The following MAST2 variants were observed in gnomAD, a reference collection of about 807,000 sequenced individuals.
MAST2 encodes the protein microtubule-associated serine/threonine-protein kinase 2.
MAST2 carries 70 observed loss-of-function variants against 147.4 expected under a neutral mutation model. The observed-to-expected ratio is 0.47, with a 90% confidence interval of 0.39 to 0.58. MAST2 has a LOEUF of 0.58. Ranked by LOEUF, MAST2 falls within the 20% of genes least tolerant of loss-of-function variation. MAST2 has a pLI of 0.00. For synonymous variants in MAST2, 869 were observed against 896.8 expected, an observed-to-expected ratio of 0.97 and a Z score of 0.55; for missense variants, 2,080 against 2,302.3, an observed-to-expected ratio of 0.90 and a Z score of 1.98.
intron 3 of MAST2, among the ~76,000 whole-genome samples, chr1:45,859,473 G>A (rs1645906282): frequency 6.6e-6 from 1 of 152,118 alleles, no homozygotes; most frequent in African/African-American, 2.4e-5. Flanking sequence ...TCCAGTAGGT[G>A]GGAACATGTG....
At chr1:45,939,027 T>C (rs1468540978) in intron 4 of MAST2, among the ~76,000 whole-genome samples, 1 of 152,096 alleles carries the variant, frequency 6.6e-6, no homozygotes, top group Non-Finnish European at 1.5e-5. Context: ...ATTTGGATGG[T>C]GTCGTTTGAA....
At chr1:46,003,990 C>G (rs1460134607) in intron 7 of MAST2, among the ~76,000 whole-genome samples, 1 of 152,170 alleles carries the variant, frequency 6.6e-6, no homozygotes, top group Non-Finnish European at 1.5e-5. Flanking sequence ...CTCTCCCAAC[C>G]TAGATACTAC....
chr1:45,874,544 T>C (rs1416769713), intron 3 of MAST2, among the ~76,000 whole-genome samples: 1 of 152,228 alleles, frequency 6.6e-6, no homozygotes, highest in African/African-American at 2.4e-5. Context: ...TTGATAGTTT[T>C]CATCAATGCA....
At chr1:46,027,957 T>C in intron 17 of MAST2, 94 bp downstream of exon 17, 1 of 1,494,082 alleles carries the variant, frequency 6.7e-7, no homozygotes, top group Non-Finnish European at 9.2e-7. Context: ...TTTGGGAGGC[T>C]GAGGCAGGAG....
At chr1:45,986,290 G>A (rs1377022916) in intron 5 of MAST2, among the ~76,000 whole-genome samples, 2 of 152,064 alleles carry the variant, frequency 1.3e-5, no homozygotes, top group African/African-American at 4.8e-5. Context: ...ATGATTATAT[G>A]TTTTTTTCTT....
At chr1:45,929,844 A>T (rs564408806) in intron 4 of MAST2, among the ~76,000 whole-genome samples, 22 of 152,276 alleles carry the variant, frequency 1.4e-4, no homozygotes, top group South Asian at 4.1e-4. Flanking sequence ...AATTACTAGA[A>T]CTGGGATAGC....
chr1:45,882,039 AAAATT>A (rs1249880134), intron 3 of MAST2, among the ~76,000 whole-genome samples: 5 of 145,572 alleles, frequency 3.4e-5, no homozygotes, highest in Non-Finnish European at 7.5e-5. Flanking sequence ...AAAAAAAAAA[AAAATT>A]AGCCAGGCGT....
chr1:45,985,726 A>G (rs564907348), intron 5 of MAST2, among the ~76,000 whole-genome samples: 1 of 152,340 alleles, frequency 6.6e-6, no homozygotes, highest in East Asian at 1.9e-4. Flanking sequence ...TCTTAACAAT[A>G]TCAAATCTTT....
Position 46,029,955 on chromosome 1 carries a change from T to C in MAST2, c.2443+2T>C, listed in dbSNP as rs774694337. 6.2e-7 allele frequency: 1 copy of C among 1,614,062 alleles called. No individual in the cohort carries two copies. The highest frequency in any genetic ancestry group is 1.1e-5 in the South Asian group (1 of 91,054). On this transcript the variant is annotated splice_donor_variant, in intron 20 of 28. Transcript: ENST00000361297. LOFTEE classifies it high-confidence loss of function. ...AGGATGATACTAGCTATTTTGACAG[T>C]AAGGCCACCGATGGGTGGGGTGGAG...
chr1:45,996,152 C>T (rs1277883830), intron 5 of MAST2, among the ~76,000 whole-genome samples: 2 of 151,680 alleles, frequency 1.3e-5, no homozygotes, highest in African/African-American at 4.8e-5. Context: ...CCTAGCTGTA[C>T]TATGCGCACC....
chr1:45,871,428 C>T (rs1646389677), intron 3 of MAST2, among the ~76,000 whole-genome samples: 1 of 152,038 alleles, frequency 6.6e-6, no homozygotes, highest in African/African-American at 2.4e-5. Context: ...ACAACAAAAC[C>T]ATGAAATTCA....
At chr1:45,928,968 C>T (rs1384666232) in intron 4 of MAST2, among the ~76,000 whole-genome samples, 1 of 151,590 alleles carries the variant, frequency 6.6e-6, no homozygotes, top group East Asian at 1.9e-4. Flanking sequence ...CTCTGTATTT[C>T]CTATAAACTG....
intron 4 of MAST2, among the ~76,000 whole-genome samples, chr1:45,940,811 G>A (rs1459972136): frequency 6.6e-6 from 1 of 152,036 alleles, no homozygotes; most frequent in Non-Finnish European, 1.5e-5. Flanking sequence ...AGTAGAGATG[G>A]GGTTTCACCG....
At position 45,863,784 on chromosome 1, in the gene MAST2, A is replaced by G. The variant is rs913163970; in HGVS notation, c.469-18580A>G. 2.0e-5 allele frequency among the ~76,000 whole-genome samples: 3 copies of G among 152,328 alleles called. No individual in the cohort carries two copies. The East Asian group carries it at 5.8e-4, about 29-fold the overall frequency. Reference sequence around the variant, plus strand: ...GCTTTATACATACCTTTATCTGTCAAATTAGGGAATTTGGATTCGTGTCTC... The same window carrying G: ...GCTTTATACATACCTTTATCTGTCAGATTAGGGAATTTGGATTCGTGTCTC... On this transcript the variant is annotated intron_variant, in intron 3 of 28. Coordinates refer to ENST00000361297, the MANE Select transcript of MAST2 (RefSeq NM_015112.3).
At chr1:45,970,886 C>G (rs527899208) in intron 5 of MAST2, among the ~76,000 whole-genome samples, 1 of 150,738 alleles carries the variant, frequency 6.6e-6, no homozygotes, top group Admixed American at 6.6e-5. Context: ...ACATGCCAGG[C>G]CAGAACTGGA....
intron 5 of MAST2, among the ~76,000 whole-genome samples, chr1:45,976,631 G>C (rs1571024577): frequency 6.6e-6 from 1 of 152,264 alleles, no homozygotes; most frequent in South Asian, 2.1e-4. Context: ...TTGGCCATAA[G>C]AATTTGTGAA....
intron 4 of MAST2, among the ~76,000 whole-genome samples, chr1:45,924,115 C>T (rs529523970): frequency 6.6e-6 from 1 of 152,242 alleles, no homozygotes; most frequent in East Asian, 1.9e-4. Flanking sequence ...GTGACCTGCC[C>T]ACTTCAGCCT....
chr1:45,954,123 G>C (rs1253974409), intron 4 of MAST2, among the ~76,000 whole-genome samples: 5 of 152,106 alleles, frequency 3.3e-5, no homozygotes, highest in Non-Finnish European at 5.9e-5. Context: ...TCCAGTCACG[G>C]AGTGCTCAAG....
intron 4 of MAST2, among the ~76,000 whole-genome samples, chr1:45,915,348 CA>C (rs1652311748): frequency 6.6e-6 from 1 of 152,150 alleles, no homozygotes; most frequent in Non-Finnish European, 1.5e-5. Context: ...CTGTTTCAAA[CA>C]ATCCTTTTTA....
Sources: allele counts gnomAD v4.1 joint callset (sites outside exome capture counted in the v4.1 genomes callset), GRCh38; gene constraint gnomAD v4.1.1; transcripts MANE v1.5; gene names NCBI Gene and HGNC (gene_info 2026-07-23, HGNC 2026-07-21).